LRRC37A2: variants seen among roughly 807,000 people sequenced by gnomAD.
LRRC37A2 encodes leucine rich repeat containing 37 member A2.
Under a neutral mutation model 68.8 loss-of-function variants are expected in LRRC37A2, and 9 were observed. That is an observed-to-expected ratio of 0.13 (90% CI 0.08 to 0.23). The LOEUF is 0.23. LRRC37A2 is among the 10% of genes least tolerant of loss of function. LRRC37A2 has a pLI of 1.00. For synonymous variants in LRRC37A2, 63 were observed against 367.6 expected, an observed-to-expected ratio of 0.17 and a Z score of 9.48; for missense variants, 168 against 950.4, an observed-to-expected ratio of 0.18 and a Z score of 10.82.
the LRRC37A2 span, among the ~76,000 whole-genome samples, chr17:46,946,791 A>C: frequency 1.3e-5 from 2 of 152,238 alleles, no homozygotes; most frequent in Admixed American, 6.5e-5. Context: ...TGAACCCAGG[A>C]GGCAGAGGTT....
chr17:46,613,166 T>C, the LRRC37A2 span, among the ~76,000 whole-genome samples: 1 of 40,366 alleles, frequency 2.5e-5, no homozygotes, highest in Admixed American at 2.2e-4. Flanking sequence ...TAGTCCCAGC[T>C]ACTTTGGAGG....
chr17:47,035,277 T>C, the LRRC37A2 span, among the ~76,000 whole-genome samples: 1 of 152,228 alleles, frequency 6.6e-6, no homozygotes, highest in Non-Finnish European at 1.5e-5. Context: ...CAGAACATTT[T>C]CATCATCCCC....
the LRRC37A2 span, among the ~76,000 whole-genome samples, chr17:46,739,540 G>A: frequency 1.3e-5 from 2 of 151,398 alleles, no homozygotes; most frequent in East Asian, 1.9e-4. Context: ...ACCTTGTCTC[G>A]AAAAAAACAC....
At chr17:46,969,547 G>A in the LRRC37A2 span, among the ~76,000 whole-genome samples, 1 of 152,334 alleles carries the variant, frequency 6.6e-6, no homozygotes, top group African/African-American at 2.4e-5. Flanking sequence ...ACCGTGGAAC[G>A]ATCAGGCTTC....
At chr17:46,942,846 G>A in the LRRC37A2 span, among the ~76,000 whole-genome samples, 6,735 of 152,236 alleles carry the variant, frequency 0.044, 206 homozygotes, top group Admixed American at 0.11. Flanking sequence ...AAGGCACATG[G>A]GAGAGGAGTG....
At chr17:46,834,159 C>T in the LRRC37A2 span, among the ~76,000 whole-genome samples, 1 of 152,158 alleles carries the variant, frequency 6.6e-6, no homozygotes, top group South Asian at 2.1e-4. Context: ...GGCACCACTA[C>T]ACTCCAGCCT....
the LRRC37A2 span, among the ~76,000 whole-genome samples, chr17:46,874,738 C>T: frequency 3.3e-5 from 5 of 151,932 alleles, no homozygotes; most frequent in South Asian, 2.1e-4. Flanking sequence ...CCACCATGCC[C>T]GGCTAATTTT....
At chr17:46,994,283 G>C in the LRRC37A2 span, among the ~76,000 whole-genome samples, 1 of 152,072 alleles carries the variant, frequency 6.6e-6, no homozygotes, top group Non-Finnish European at 1.5e-5. Flanking sequence ...TACTCAGGAG[G>C]CTGAGGCAGA....
the LRRC37A2 span, among the ~76,000 whole-genome samples, chr17:46,816,756 T>C: frequency 2.0e-5 from 3 of 152,148 alleles, no homozygotes; most frequent in Non-Finnish European, 2.9e-5. Flanking sequence ...TCTCTCTTCC[T>C]CAGTCCCTGC....
the LRRC37A2 span, chr17:46,770,064 G>T: frequency 4.6e-6 from 7 of 1,532,820 alleles, no homozygotes; most frequent in South Asian, 1.2e-5. Flanking sequence ...GGGAGGTCGT[G>T]GGGAGGCAGC....
At chr17:46,377,493 G>T in the LRRC37A2 span, among the ~76,000 whole-genome samples, 29 of 29,246 alleles carry the variant, frequency 9.9e-4, no homozygotes, top group African/African-American at 1.8e-3. Flanking sequence ...ATCAAGTCAG[G>T]GTACATGAGT....
chr17:46,874,910 A>T, the LRRC37A2 span: 1 of 845,628 alleles, frequency 1.2e-6, no homozygotes, highest in Non-Finnish European at 2.0e-6. Context: ...ACTTGCAGTC[A>T]GAATTTAAGG....
chr17:46,877,644 TCA>T, the LRRC37A2 span, among the ~76,000 whole-genome samples: 1 of 152,166 alleles, frequency 6.6e-6, no homozygotes, highest in Non-Finnish European at 1.5e-5. Flanking sequence ...CGTGGCGAGC[TCA>T]GTTTCTCAGC....
At chr17:46,487,223 G>A in the LRRC37A2 span, 1 of 481,588 alleles carries the variant, frequency 2.1e-6, no homozygotes, top group East Asian at 3.3e-5. Context: ...CATTTACTCA[G>A]TATTATGGAA....
chr17:46,816,514 C>CCT, the LRRC37A2 span, among the ~76,000 whole-genome samples: 2 of 141,636 alleles, frequency 1.4e-5, no homozygotes, highest in South Asian at 2.3e-4. Context: ...CACACACACA[C>CCT]ACCTCTCTCC....
At chr17:46,494,757 G>A in the LRRC37A2 span, among the ~76,000 whole-genome samples, 1 of 151,206 alleles carries the variant, frequency 6.6e-6, no homozygotes, top group East Asian at 1.9e-4. Context: ...GATTGATACA[G>A]TGTGTAATGA....
chr17:46,687,449 T>C, the LRRC37A2 span, among the ~76,000 whole-genome samples: 3 of 150,568 alleles, frequency 2.0e-5, no homozygotes, highest in Non-Finnish European at 4.4e-5. Flanking sequence ...AGCTTCCTTA[T>C]CATACTACAG....
the LRRC37A2 span, among the ~76,000 whole-genome samples, chr17:46,892,778 G>A: frequency 0.035 from 5,275 of 152,244 alleles, 106 homozygotes; most frequent in Middle Eastern, 0.065. Context: ...ACAAAAAAAG[G>A]CATGGTCCTA....
chr17:46,489,289 C>T, the LRRC37A2 span, among the ~76,000 whole-genome samples: 1 of 86,820 alleles, frequency 1.2e-5, no homozygotes, highest in Non-Finnish European at 2.5e-5. Context: ...AGGTGCTTGC[C>T]ACCATGCTTG....
Sources: gnomAD v4.1 joint callset for allele counts (sites outside exome capture counted in the v4.1 genomes callset) on GRCh38, gnomAD v4.1.1 for gene constraint, MANE v1.5 for transcripts, NCBI Gene and HGNC (gene_info 2026-07-23, HGNC 2026-07-21) for gene names.